Variants in PYHIN1 observed in about 807,000 individuals in gnomAD.
PYHIN1 encodes the protein pyrin and HIN domain-containing protein 1.
A neutral mutation model predicts 43.7 loss-of-function variants in PYHIN1; 32 were observed. That is an observed-to-expected ratio of 0.73 (90% CI 0.55 to 0.98). PYHIN1 has a LOEUF of 0.98. Ranked by LOEUF, PYHIN1 falls within the 50% of genes least tolerant of loss-of-function variation. The pLI is 0.00. For missense variants in PYHIN1, 588 were observed against 589.5 expected (o/e 1.00, Z 0.03); for synonymous variants, 205 against 203.1 (o/e 1.01, Z -0.08).
At chr1:158,943,092 A>G (rs1649019519) in intron 5 of PYHIN1, among the ~76,000 whole-genome samples, 1 of 152,176 alleles carries the variant, frequency 6.6e-6, no homozygotes, top group Non-Finnish European at 1.5e-5. Context: ...TCAGAAAACC[A>G]TCTATACCTG....
intron 1 of PYHIN1, among the ~76,000 whole-genome samples, chr1:158,936,343 G>C (rs1242035467): frequency 6.6e-6 from 1 of 151,164 alleles, no homozygotes; most frequent in African/African-American, 2.4e-5. Flanking sequence ...AGTTTGCTGA[G>C]AATGATGGTT....
downstream of PYHIN1, among the ~76,000 whole-genome samples, chr1:158,979,096 G>A (rs1420881400): frequency 1.3e-5 from 2 of 152,118 alleles, no homozygotes; most frequent in African/African-American, 4.8e-5. Context: ...ATCCAACACT[G>A]TTAGCAACAT....
chr1:158,989,736 A>G, the PYHIN1 span, among the ~76,000 whole-genome samples: 1 of 152,232 alleles, frequency 6.6e-6, no homozygotes, highest in Non-Finnish European at 1.5e-5. Flanking sequence ...CTCCAGAGAC[A>G]TGAAACAATA....
chr1:158,939,218 T>A lies in PYHIN1; in HGVS notation c.550T>A (p.Ser184Thr). The change falls in exon 4 of 9, where the codon TCA becomes ACA. Residue 184 changes from serine to threonine, a missense_variant. Ser to Thr is a moderately conservative substitution (Grantham distance 58). Coordinates refer to ENST00000368140, the MANE Select transcript of PYHIN1 (RefSeq NM_152501.5). ...GRSPPPQTSS[S>T]APPNTSSTES... ...TTCCCCACCTCCCCAGACCTCATCA[T>A]CAGCTCCACCCAACACTTCCTCAAC... 6.2e-7 allele frequency: 1 copy of A among 1,608,180 alleles called. No individual in the cohort carries two copies. The highest frequency in any genetic ancestry group is 1.1e-5 in the South Asian group (1 of 89,618).
chr1:158,944,986 C>T lies in PYHIN1; in HGVS notation c.1303C>T (p.His435Tyr), dbSNP rs1043888561. Reference sequence around the variant, plus strand: ...GGCCAGCACAACCCTACCTGAAAGCCATCTCAAGACTCCTCAGATGCCACC... The same window carrying T: ...GGCCAGCACAACCCTACCTGAAAGCTATCTCAAGACTCCTCAGATGCCACC... Reference protein sequence around the residue: ...SEASTTLPESHLKTPQMPPTT... With the variant: ...SEASTTLPESYLKTPQMPPTT... The change falls in exon 7 of 9, where the codon CAT (histidine) becomes TAT (tyrosine). Residue 435 changes from histidine (H) to tyrosine (Y), a missense_variant. Physicochemically the swap from His to Tyr is moderately conservative, Grantham distance 83 (BLOSUM62 2). Coordinates refer to ENST00000368140, the MANE Select transcript of PYHIN1 (RefSeq NM_152501.5). 1 of 1,613,854 alleles carries T rather than the reference C, an allele frequency of 6.2e-7. No individual in the cohort carries two copies. Among genetic ancestry groups the T allele is most frequent in the Non-Finnish European group, 8.5e-7 (1 of 1,179,828 alleles).
downstream of PYHIN1, among the ~76,000 whole-genome samples, chr1:158,979,659 C>T (rs995681062): frequency 2.0e-5 from 3 of 152,124 alleles, no homozygotes; most frequent in Non-Finnish European, 4.4e-5. Flanking sequence ...ATCTCTTCAA[C>T]TCCTATTTTA....
At chr1:158,977,648 A>T (rs577746369), downstream of PYHIN1, among the ~76,000 whole-genome samples, 27 of 152,246 alleles carry the variant, frequency 1.8e-4, no homozygotes, top group Admixed American at 1.1e-3. Context: ...GTATTTATGG[A>T]TCATATATTT....
At chr1:158,972,812 T>C (rs908379346) in intron 7 of PYHIN1, among the ~76,000 whole-genome samples, 30 of 152,214 alleles carry the variant, frequency 2.0e-4, no homozygotes, top group African/African-American at 7.0e-4. Flanking sequence ...AGATCATCTC[T>C]TTGTGTCCTT....
chr1:158,931,927 C>T (rs1648188519), intron 1 of PYHIN1, among the ~76,000 whole-genome samples, 151 bp downstream of exon 1: 1 of 152,182 alleles, frequency 6.6e-6, no homozygotes, highest in African/African-American at 2.4e-5. Context: ...GTGAAAACTG[C>T]AGTTAATACT....
chr1:158,954,100 G>A (rs1649766463), intron 7 of PYHIN1, among the ~76,000 whole-genome samples: 1 of 43,398 alleles, frequency 2.3e-5, no homozygotes, highest in Admixed American at 2.7e-4. Flanking sequence ...ATGGGACTAT[G>A]TGAAAAGACC....
rs1648263929 is a variant in PYHIN1 at position 158,933,081 on chromosome 1, A to G, written c.-21+1305A>G. Among the ~76,000 whole-genome samples, 1 of 151,848 alleles carries G rather than the reference A, an allele frequency of 6.6e-6. No homozygotes were observed. Among genetic ancestry groups the G allele is most frequent in the Non-Finnish European group, 1.5e-5 (1 of 67,900 alleles). On this transcript the variant is annotated intron_variant, in intron 1 of 8. Coordinates refer to ENST00000368140, the MANE Select transcript of PYHIN1 (RefSeq NM_152501.5). The surrounding 1 kb of genome is among the most constrained non-coding windows in gnomAD (Gnocchi z 6.3). ...TTCATTTAGTATTGGAAGATATAAT[A>G]TAGAACCTCCTATTATAAGACGGTA...
At chr1:158,971,840 C>T (rs1198044901) in intron 7 of PYHIN1, among the ~76,000 whole-genome samples, 1 of 151,878 alleles carries the variant, frequency 6.6e-6, no homozygotes, top group Non-Finnish European at 1.5e-5. Context: ...CACACACCTA[C>T]AGAATTTCAG....
chr1:158,973,285 A>C lies in PYHIN1; in HGVS notation c.1360-362A>C, dbSNP rs56026334. Among the ~76,000 whole-genome samples the C allele has an allele frequency of 3.8e-3, 572 of 152,064 alleles. 3 individuals are homozygous for C. The highest frequency in any genetic ancestry group is 6.5e-3 in the Non-Finnish European group (439 of 67,948). On this transcript the variant is annotated intron_variant, in intron 7 of 8. Transcript: ENST00000368140. ...TTACCCAAAGTTCATATTTTCCTGA[A>C]GAGTGTCTACAGATTTTATCTGGTG...
chr1:158,939,527 C>A (rs1427905792), intron 4 of PYHIN1: 3 of 1,550,216 alleles, frequency 1.9e-6, no homozygotes, highest in South Asian at 2.4e-5. Context: ...TCTACTGCCC[C>A]CATCTATTAT....
At chr1:158,949,329 C>T (rs1473905047) in intron 7 of PYHIN1, among the ~76,000 whole-genome samples, 1 of 152,184 alleles carries the variant, frequency 6.6e-6, no homozygotes, top group Non-Finnish European at 1.5e-5. Context: ...TTCCCCATGA[C>T]AGACCTCCCA....
At chr1:158,956,421 C>T (rs1309836368) in intron 7 of PYHIN1, among the ~76,000 whole-genome samples, 1 of 152,066 alleles carries the variant, frequency 6.6e-6, no homozygotes, top group African/African-American at 2.4e-5. Flanking sequence ...AAGTGGGTTT[C>T]ATCCCTGGGA....
the PYHIN1 span, among the ~76,000 whole-genome samples, chr1:158,985,376 G>A: frequency 6.6e-6 from 1 of 152,118 alleles, no homozygotes. Flanking sequence ...GTGTTTGTTT[G>A]TCTGAAAAGG....
At position 158,931,592 on chromosome 1, in the gene PYHIN1, A is replaced by C. The variant is rs771116210; in HGVS notation, c.-205A>C. The C allele has an allele frequency of 1.3e-5, 2 of 152,202 alleles. No homozygotes were observed. Among genetic ancestry groups the C allele is most frequent in the Admixed American group, 6.5e-5 (1 of 15,274 alleles). 9.4% of individuals were successfully genotyped at this position (152,202 alleles called of 1,614,324 possible). On this transcript the variant is annotated 5_prime_UTR_variant, in exon 1 of 9. Coordinates refer to ENST00000368140, the MANE Select transcript of PYHIN1 (RefSeq NM_152501.5). ...CAGCACTAGTCAAGTGACTCTAAGA[A>C]GGGCCATTTTCCCTTGTTGTCTTTG...
intron 7 of PYHIN1, among the ~76,000 whole-genome samples, chr1:158,967,213 G>C (rs939834049): frequency 6.6e-6 from 1 of 152,004 alleles, no homozygotes; most frequent in African/African-American, 2.4e-5. Flanking sequence ...GGATGAGAGG[G>C]TTTTCTTAGA....
Sources: allele counts gnomAD v4.1 joint callset (sites outside exome capture counted in the v4.1 genomes callset), GRCh38; gene constraint gnomAD v4.1.1; non-coding constraint Gnocchi (gnomAD v3.1); transcripts MANE v1.5; gene names NCBI Gene and HGNC (gene_info 2026-07-23, HGNC 2026-07-21).